Variants in ATF3 observed in about 807,000 individuals in gnomAD.
ATF3 encodes the protein activating transcription factor 3.
In ATF3, 10 loss-of-function variants were observed where a neutral mutation model predicts 18.4. That is an observed-to-expected ratio of 0.54 (90% CI 0.34 to 0.92). The LOEUF is 0.92. Among genes scored for constraint, ATF3 ranks in the 40% least tolerant of loss-of-function variants. The pLI, the probability that ATF3 is intolerant of heterozygous loss-of-function variation, is 0.02. For missense variants in ATF3, 183 were observed against 222.3 expected, an observed-to-expected ratio of 0.82 and a Z score of 1.12; for synonymous variants, 78 against 87.9, an observed-to-expected ratio of 0.89 and a Z score of 0.63.
chr1:212,610,674 G>A (rs576507781), intron 1 of ATF3, among the ~76,000 whole-genome samples: 9 of 152,124 alleles, frequency 5.9e-5, no homozygotes, highest in African/African-American at 1.7e-4. Context: ...CTCCATGGCC[G>A]TTTTCTTCGA....
intron 1 of ATF3, among the ~76,000 whole-genome samples, chr1:212,601,697 C>G (rs1654487916): frequency 1.3e-5 from 2 of 152,074 alleles, no homozygotes; most frequent in South Asian, 4.2e-4. Context: ...AGTATGTGCT[C>G]AGTAAATAGT....
upstream of ATF3, among the ~76,000 whole-genome samples, chr1:212,607,250 T>G (rs1276820258): frequency 1.3e-5 from 2 of 152,124 alleles, no homozygotes; most frequent in Non-Finnish European, 2.9e-5. Context: ...ATTACCAAAC[T>G]GTGACCTTCG....
At chr1:212,615,315 C>T in intron 2 of ATF3, 54 bp downstream of exon 2, 1 of 1,587,110 alleles carries the variant, frequency 6.3e-7, no homozygotes, top group African/African-American at 1.3e-5. Flanking sequence ...CTCGCAGCCA[C>T]TGTGTGTTGG....
chr1:212,612,563 T>G (rs760573277), intron 1 of ATF3, among the ~76,000 whole-genome samples: 1 of 152,218 alleles, frequency 6.6e-6, no homozygotes, highest in African/African-American at 2.4e-5. Flanking sequence ...GAAGGCTAGT[T>G]TCTCAGAGTT....
In ATF3 at chr1:212,618,537, TAA is replaced by T. The variant is rs778427035; in HGVS notation, c.348+305_348+306del. On this transcript the variant is annotated intron_variant, in intron 3 of 3. Coordinates refer to ENST00000341491, the MANE Select transcript of ATF3 (RefSeq NM_001674.4). The surrounding 1 kb of genome is among the most constrained non-coding windows in gnomAD (Gnocchi z 4.4). ...AGGCTGCAGGACATGCCAGCCCAGT[TAA>T]AGAGGCTTCACTTGACTGTTTTCCT... 1.3e-5 allele frequency: 6 copies of T among 448,344 alleles called. No individual in the cohort carries two copies. The highest frequency in any genetic ancestry group is 1.6e-5 in the Non-Finnish European group (4 of 244,784). 27.8% of individuals were successfully genotyped at this position (448,344 alleles called of 1,614,324 possible).
Position 212,615,046 on chromosome 1 carries a change from G to C in ATF3, c.25G>C (p.Val9Leu). ...AATGATGCTTCAACACCCAGGCCAG[G>C]TCTCTGCCTCGGAAGTGAGTGCTTC... MMLQHPGQ[V>L]SASEVSASAI... is the part of the protein sequence containing the mutation. The change falls in exon 2 of 4, where the codon GTC (valine) becomes CTC (leucine). Residue 9 changes from valine to leucine, a missense_variant. By Grantham distance (32) the Val-to-Leu change is conservative. Transcript: ENST00000341491. 6.2e-7 allele frequency: 1 copy of C among 1,614,150 alleles called. No individual in the cohort carries two copies. The highest frequency in any genetic ancestry group is 8.5e-7 in the Non-Finnish European group (1 of 1,180,038).
intron 1 of ATF3, among the ~76,000 whole-genome samples, chr1:212,568,513 T>A (rs1664423050): frequency 6.6e-6 from 1 of 152,190 alleles, no homozygotes; most frequent in South Asian, 2.1e-4. Context: ...TTGTATTGAG[T>A]GATCTCTTCC....
At chr1:212,612,450 AG>A (rs1226407431) in intron 1 of ATF3, among the ~76,000 whole-genome samples, 1 of 152,202 alleles carries the variant, frequency 6.6e-6, no homozygotes, top group East Asian at 1.9e-4. Context: ...AGACCAGCCC[AG>A]TGGCAGCTCT....
At chr1:212,569,066 TG>T (rs1664433878) in intron 1 of ATF3, among the ~76,000 whole-genome samples, 1 of 152,258 alleles carries the variant, frequency 6.6e-6, no homozygotes, top group African/African-American at 2.4e-5. Flanking sequence ...AAACATTGGC[TG>T]TTTAGAGCCC....
intron 1 of ATF3, among the ~76,000 whole-genome samples, chr1:212,574,108 T>C (rs1664530723): frequency 1.3e-5 from 2 of 151,918 alleles, no homozygotes; most frequent in African/African-American, 4.8e-5. Flanking sequence ...TTTGTTGTCA[T>C]TGTTGTTTTT....
rs1194245199 is a variant in ATF3, at chr1:212,618,415, T to C, written c.348+181T>C. On this transcript the variant is annotated intron_variant, in intron 3 of 3. Coordinates refer to ENST00000341491, the MANE Select transcript of ATF3 (RefSeq NM_001674.4). The surrounding 1 kb of genome is among the most constrained non-coding windows in gnomAD (Gnocchi z 4.4). ...GGAGGTGGCAAAGCAGTTAACACAA[T>C]GGATGTGACGGTGGATGTATAAAAA... 2.9e-6 allele frequency: 2 copies of C among 697,170 alleles called. No individual in the cohort carries two copies. The highest frequency in any genetic ancestry group is 1.8e-5 in the African/African-American group (1 of 56,308). 43.2% of individuals were successfully genotyped at this position (697,170 alleles called of 1,614,324 possible). A position where few individuals can be genotyped will look rare whatever the true frequency, so the allele number is the denominator to read the frequency against.
chr1:212,605,786 T>C (rs1654607645), upstream of ATF3, among the ~76,000 whole-genome samples: 4 of 152,330 alleles, frequency 2.6e-5, no homozygotes, highest in Non-Finnish European at 2.9e-5. Flanking sequence ...CCAACTCTTA[T>C]CTCACTCAGC....
intron 1 of ATF3, among the ~76,000 whole-genome samples, chr1:212,579,719 G>A (rs995982940): frequency 1.3e-5 from 2 of 152,190 alleles, no homozygotes; most frequent in African/African-American, 2.4e-5. Context: ...TGTAAAATGA[G>A]TATCTCATGG....
At chr1:212,612,971 T>G (rs1654958548) in intron 1 of ATF3, among the ~76,000 whole-genome samples, 1 of 152,180 alleles carries the variant, frequency 6.6e-6, no homozygotes. Flanking sequence ...AGTTCCTCAA[T>G]TCCTCATAGG....
At chr1:212,586,967 A>T (rs1401962965) in intron 1 of ATF3, among the ~76,000 whole-genome samples, 2 of 152,204 alleles carry the variant, frequency 1.3e-5, no homozygotes, top group African/African-American at 4.8e-5. Context: ...GGCCCTCCGC[A>T]GGGCAGAGGA....
intron 1 of ATF3, among the ~76,000 whole-genome samples, chr1:212,591,087 G>A (rs1281112002): frequency 6.6e-6 from 1 of 152,156 alleles, no homozygotes; most frequent in African/African-American, 2.4e-5. Context: ...CCTGTACCAG[G>A]GACATGTGGC....
In ATF3 at chr1:212,619,012, G is replaced by T. The variant is rs1655252554; in HGVS notation, c.349-346G>T. On this transcript the variant is annotated intron_variant, in intron 3 of 3. Coordinates refer to ENST00000341491, the MANE Select transcript of ATF3 (RefSeq NM_001674.4). This position sits in a 1 kb window ranked among gnomAD's most constrained non-coding sequence, Gnocchi z 4.4. Reference sequence around the variant, plus strand: ...TCATTGAGATCTGTGACTCAGAATCGACTAAGCCACCATAAGTCTGGATTT... The same window carrying T: ...TCATTGAGATCTGTGACTCAGAATCTACTAAGCCACCATAAGTCTGGATTT... 1.2e-6 allele frequency: 2 copies of T among 1,613,692 alleles called. No homozygotes were observed. The highest frequency in any genetic ancestry group is 1.3e-5 in the African/African-American group (1 of 74,888).
intron 1 of ATF3, among the ~76,000 whole-genome samples, chr1:212,573,582 C>G (rs1369038807): frequency 6.6e-6 from 1 of 151,902 alleles, no homozygotes; most frequent in Non-Finnish European, 1.5e-5. Context: ...AGGGTCATCT[C>G]TGTTAAGTAA....
intron 1 of ATF3, among the ~76,000 whole-genome samples, chr1:212,601,907 G>T (rs1016939953): frequency 3.9e-5 from 6 of 152,050 alleles, no homozygotes; most frequent in Non-Finnish European, 5.9e-5. Flanking sequence ...ACTTTTGAGG[G>T]TGAATTGTTT....
Sources: gnomAD v4.1 joint callset for allele counts (sites outside exome capture counted in the v4.1 genomes callset) on GRCh38, gnomAD v4.1.1 for gene constraint, Gnocchi (gnomAD v3.1) non-coding constraint, MANE v1.5 for transcripts, NCBI Gene and HGNC (gene_info 2026-07-23, HGNC 2026-07-21) for gene names.